Variants in HM13 observed in about 807,000 individuals in gnomAD.
HM13 encodes the protein signal peptide peptidase.
HM13 carries 18 observed loss-of-function variants against 50.0 expected under a neutral mutation model. The observed-to-expected ratio is 0.36, with a 90% CI of 0.25 to 0.53. HM13 has a LOEUF of 0.53. Among genes scored for constraint, HM13 ranks in the 20% least tolerant of loss-of-function variants. The pLI, the probability that HM13 is intolerant of heterozygous loss-of-function variation, is 0.90. For synonymous variants in HM13, 197 were observed against 232.6 expected, an observed-to-expected ratio of 0.85 and a Z score of 1.39; for missense variants, 393 against 552.4, an observed-to-expected ratio of 0.71 and a Z score of 2.89.
chr20:31,523,845 C>CCA (rs1982325950), intron 1 of HM13, among the ~76,000 whole-genome samples: 1 of 152,146 alleles, frequency 6.6e-6, no homozygotes, highest in Admixed American at 6.5e-5. Context: ...TGTTCACCCA[C>CCA]CCCACTCCCA....
At chr20:31,548,929 C>T (rs555855604) in intron 4 of HM13, 100 bp from the exon 5 acceptor site, 2 of 1,041,512 alleles carry the variant, frequency 1.9e-6, no homozygotes, top group South Asian at 2.5e-5. Flanking sequence ...CTGTGAACCT[C>T]TCACAGTGCC....
chr20:31,524,630 TAGTTTG>T (rs1276755903), intron 1 of HM13, among the ~76,000 whole-genome samples: 1 of 152,000 alleles, frequency 6.6e-6, no homozygotes, highest in East Asian at 1.9e-4. Flanking sequence ...CAGTGTGCTT[TAGTTTG>T]AGCTCTTATT....
intron 3 of HM13, 42 bp downstream of exon 3, chr20:31,538,303 G>A (rs745537987): frequency 9.7e-5 from 156 of 1,613,980 alleles, no homozygotes; most frequent in Non-Finnish European, 1.2e-4. Context: ...CAGCTTTCTC[G>A]GGAACCAGTA....
At position 31,569,021 on chromosome 20, in the gene HM13, C is replaced by T. The variant is rs955691357; in HGVS notation, c.1182-99C>T. ...GGCTGACGCTCTGCATGTGACCAGG[C>T]GCTTTCCTAGGATGGGGGTGGGGGA... On this transcript the variant is annotated intron_variant, in intron 12 of 12. Coordinates refer to ENST00000398174, the MANE Select transcript of HM13 (RefSeq NM_178581.3). The T allele has an allele frequency of 1.9e-5, 15 of 800,602 alleles. No individual in the cohort carries two copies. In the Admixed American group the frequency reaches 2.2e-4, roughly 12 times the overall value. The allele number at this position is 800,602 out of a possible 1,614,324, so 49.6% of individuals were successfully genotyped here.
Position 31,514,802 on chromosome 20 carries a change from T to A in HM13, c.183+68T>A. 1 of 1,376,014 alleles carries A rather than the reference T, an allele frequency of 7.3e-7. No individual in the cohort carries two copies. The highest frequency in any genetic ancestry group is 9.5e-7 in the Non-Finnish European group (1 of 1,049,064). 85.2% of individuals were successfully genotyped at this position (1,376,014 alleles called of 1,614,324 possible). On this transcript the variant is annotated intron_variant, in intron 1 of 12. Coordinates refer to ENST00000398174, the MANE Select transcript of HM13 (RefSeq NM_178581.3). The surrounding 1 kb of genome is among the most constrained non-coding windows in gnomAD (Gnocchi z 4.3). Reference sequence around the variant, plus strand: ...GAACACGGCCGACATGGACCCTTCCTAGGCGGGACAGACACCTCTCCCCGG... The same window carrying A: ...GAACACGGCCGACATGGACCCTTCCAAGGCGGGACAGACACCTCTCCCCGG...
At position 31,514,734 on chromosome 20, in the gene HM13, G is replaced by A; in HGVS notation, c.183G>A (p.Lys61=). 2 of 1,526,680 alleles carry A rather than the reference G, an allele frequency of 1.3e-6. No homozygotes were observed. Among genetic ancestry groups the A allele is most frequent in the Non-Finnish European group, 1.8e-6 (2 of 1,137,636 alleles). 94.6% of individuals were successfully genotyped at this position (1,526,680 alleles called of 1,614,324 possible). A position where few individuals can be genotyped will look rare whatever the true frequency, so the allele number is the denominator to read the frequency against. ...ALRSVRCARG[K]NASDMPETIT... is the part of the protein sequence containing the mutation. ...GCTCCGTACGCTGCGCCCGCGGCAA[G>A]GTAGGGTCAGCGGGAAAACCGGGCA... Residue 61 remains lysine, a splice_region_variant and synonymous_variant, in exon 1 of 13, where the codon AAG becomes AAA. Transcript: ENST00000398174. This position sits in a 1 kb window ranked among gnomAD's most constrained non-coding sequence, Gnocchi z 4.3.
At chr20:31,530,699 G>A (rs6088481) in intron 2 of HM13, among the ~76,000 whole-genome samples, 13,067 of 152,162 alleles carry the variant, frequency 0.086, 747 homozygotes, top group Middle Eastern at 0.19. Context: ...ATGAGCCATC[G>A]TGCCCAGCCT....
At chr20:31,520,048 G>C (rs1446704843) in intron 1 of HM13, among the ~76,000 whole-genome samples, 1 of 151,892 alleles carries the variant, frequency 6.6e-6, no homozygotes, top group African/African-American at 2.4e-5. Flanking sequence ...ATACAGATGG[G>C]GTTTTACCAT....
intron 8 of HM13, among the ~76,000 whole-genome samples, chr20:31,558,054 C>T (rs1984411845): frequency 6.6e-6 from 1 of 152,208 alleles, no homozygotes; most frequent in South Asian, 2.1e-4. Context: ...AGACTCAGAG[C>T]CCAGAGCCCA....
At chr20:31,563,072 G>C (rs915934797) in intron 10 of HM13, 1 of 152,326 alleles carries the variant, frequency 6.6e-6, no homozygotes, top group African/African-American at 2.4e-5. Context: ...CTGGCACACA[G>C]GAGTCCTCTC....
At chr20:31,521,089 C>T (rs995585952) in intron 1 of HM13, among the ~76,000 whole-genome samples, 3 of 152,208 alleles carry the variant, frequency 2.0e-5, no homozygotes, top group African/African-American at 7.2e-5. Context: ...ATTGTATTTA[C>T]ATACACAAAT....
chr20:31,535,617 CA>C (rs1447739781), intron 2 of HM13: 1 of 152,210 alleles, frequency 6.6e-6, no homozygotes, highest in African/African-American at 2.4e-5. Context: ...AAGCACAATC[CA>C]TATGCCTACA....
intron 3 of HM13, chr20:31,539,048 G>C (rs1983284469): frequency 1.0e-6 from 1 of 983,134 alleles, no homozygotes; most frequent in Non-Finnish European, 1.2e-6. Context: ...CCCAGGTGTG[G>C]CTCCAGAGCC....
Position 31,545,123 on chromosome 20 carries a change from T to C in HM13, c.454+88T>C, listed in dbSNP as rs1226417380. On this transcript the variant is annotated intron_variant, in intron 4 of 12. Coordinates refer to ENST00000398174, the MANE Select transcript of HM13 (RefSeq NM_178581.3). ...TCTCTCCAATATTGGGGTTCTCCAA[T>C]AGAGCAACTGATGAAGTGGGCTCTG... The C allele has an allele frequency of 6.0e-6, 6 of 997,280 alleles. No individual in the cohort carries two copies. The East Asian group carries it at 7.3e-5, about 12-fold the overall frequency. 61.8% of individuals were successfully genotyped at this position (997,280 alleles called of 1,614,324 possible). A position where few individuals can be genotyped will look rare whatever the true frequency, so the allele number is the denominator to read the frequency against.
At position 31,538,272 on chromosome 20, in the gene HM13, ATC is replaced by A. The variant is rs763258162; in HGVS notation, c.365+17_365+18del. 17 of 1,614,016 alleles carry A rather than the reference ATC, an allele frequency of 1.1e-5. No individual in the cohort carries two copies. Among genetic ancestry groups the A allele is most frequent in the East Asian group, 2.2e-5 (1 of 44,898 alleles). ...GTCCCACACCATCAGGTCAGAAGGC[ATC>A]TCTCTGCAACATTTGAAGCAGCTTT... On this transcript the variant is annotated intron_variant, in intron 3 of 12. Coordinates refer to ENST00000398174, the MANE Select transcript of HM13 (RefSeq NM_178581.3).
chr20:31,526,065 C>T (rs1982470969), intron 1 of HM13, among the ~76,000 whole-genome samples: 1 of 152,060 alleles, frequency 6.6e-6, no homozygotes, highest in South Asian at 2.1e-4. Context: ...GCAGAGGTTG[C>T]CGTGAGCCAA....
intron 7 of HM13, 92 bp from the exon 8 acceptor site, chr20:31,554,654 C>G (rs1159175661): frequency 9.6e-7 from 1 of 1,037,488 alleles, no homozygotes; most frequent in Non-Finnish European, 1.4e-6. Flanking sequence ...TGCACTCCAG[C>G]CTGGGTGACA....
At chr20:31,520,164 T>C (rs1982065856) in intron 1 of HM13, among the ~76,000 whole-genome samples, 1 of 151,632 alleles carries the variant, frequency 6.6e-6, no homozygotes, top group Non-Finnish European at 1.5e-5. Flanking sequence ...GCCCACACTT[T>C]TTATTTAGAT....
intron 1 of HM13, among the ~76,000 whole-genome samples, chr20:31,518,606 A>G (rs1981947862): frequency 6.6e-6 from 1 of 151,794 alleles, no homozygotes; most frequent in South Asian, 2.1e-4. Flanking sequence ...AGATCATGCC[A>G]CTGCACTCCA....
Sources: allele counts gnomAD v4.1 joint callset (sites outside exome capture counted in the v4.1 genomes callset), GRCh38; gene constraint gnomAD v4.1.1; non-coding constraint Gnocchi (gnomAD v3.1); transcripts MANE v1.5; gene names NCBI Gene and HGNC (gene_info 2026-07-23, HGNC 2026-07-21).